Variants in DHX30 observed in about 807,000 individuals in gnomAD.
DHX30 encodes the protein DExH-box helicase 30.
In DHX30, 4 loss-of-function variants were observed where a neutral mutation model predicts 116.9. The ratio of observed to expected loss-of-function variants is 0.03; its 90% confidence interval spans 0.02 to 0.08. The LOEUF is 0.08. Among genes scored for constraint, DHX30 ranks in the 10% least tolerant of loss-of-function variants. DHX30 has a pLI of 1.00. For synonymous variants in DHX30, 697 were observed against 651.7 expected, an observed-to-expected ratio of 1.07 and a Z score of -1.06; for missense variants, 871 against 1,595.1, an observed-to-expected ratio of 0.55 and a Z score of 7.73.
chr3:47,849,652 C>A lies in DHX30; in HGVS notation c.3214C>A (p.Arg1072=). ...INREATRLRS[R]WLTYFMAVKS... ...TAGGGAGGCCACACGGTTACGGAGC[C>A]GATGGCTGACGTATTTCATGGCAGT... The change falls in exon 21 of 22, where the codon CGA becomes AGA. Residue 1072 remains arginine (R), a synonymous_variant. Coordinates refer to ENST00000445061, the MANE Select transcript of DHX30 (RefSeq NM_138615.3). The A allele has an allele frequency of 6.2e-7, 1 of 1,614,206 alleles. No individual in the cohort carries two copies. Among genetic ancestry groups the A allele is most frequent in the Non-Finnish European group, 8.5e-7 (1 of 1,180,036 alleles).
Position 47,849,683 on chromosome 3 carries a change from C to T in DHX30, c.3245C>T (p.Ser1082Phe). 1 of 1,614,178 alleles carries T rather than the reference C, an allele frequency of 6.2e-7. No homozygotes were observed. Among genetic ancestry groups the T allele is most frequent in the Non-Finnish European group, 8.5e-7 (1 of 1,180,030 alleles). ...CTGACGTATTTCATGGCAGTCAAGT[C>T]CAATGGCAGCGTCTTCGTCCGGGAC... ...RWLTYFMAVK[S>F]NGSVFVRDSS... Residue 1082 changes from serine to phenylalanine, a missense_variant, in exon 21 of 22, where the codon TCC (serine) becomes TTC (phenylalanine). Ser to Phe is a radical substitution (Grantham distance 155). Transcript: ENST00000445061.
chr3:47,817,389 A>G (rs191578028), intron 3 of DHX30, among the ~76,000 whole-genome samples: 319 of 152,312 alleles, frequency 2.1e-3, no homozygotes, highest in Middle Eastern at 6.8e-3. Flanking sequence ...ACTTCTTAGA[A>G]ATGTACTTTC....
chr3:47,806,995 C>G (rs2035558609), intron 2 of DHX30, among the ~76,000 whole-genome samples: 1 of 151,632 alleles, frequency 6.6e-6, no homozygotes, highest in Non-Finnish European at 1.5e-5. Flanking sequence ...ATCACAAGGT[C>G]AGGAGTTCGA....
intron 5 of DHX30, 59 bp downstream of exon 5, chr3:47,827,536 C>T: frequency 6.4e-7 from 1 of 1,567,846 alleles, no homozygotes; most frequent in Admixed American, 1.9e-5. Context: ...GGCTGTTTGT[C>T]CTTTCTGTCT....
Position 47,846,905 on chromosome 3 carries a change from G to C in DHX30, c.1833G>C (p.Val611=). 1.4e-5 allele frequency: 22 copies of C among 1,613,402 alleles called. No homozygotes were observed. The highest frequency in any genetic ancestry group is 1.9e-5 in the Non-Finnish European group (22 of 1,179,988). The change falls in exon 11 of 22, where the codon GTG becomes GTC. Residue 611 remains valine, a synonymous_variant. Transcript: ENST00000445061. ...TTGGTGGCTGCCCCGTCATCAAGGT[G>C]CCTGGCTTCATGTACCCAGTCAAGG... is the stretch of plus-strand genomic sequence containing the variant. The part of the protein sequence containing the change: ...RYFGGCPVIK[V]PGFMYPVKEH...
At position 47,843,109 on chromosome 3, in the gene DHX30, C is replaced by G; in HGVS notation, c.793C>G (p.Leu265Val). The G allele has an allele frequency of 6.2e-7, 1 of 1,614,214 alleles. No homozygotes were observed. Reference sequence around the variant, plus strand: ...ATCTCTCTTGCCTTCCATGTAGAACCTCATGCAGTTCCATACTGTGGGCAC... The same window carrying G: ...ATCTCTCTTGCCTTCCATGTAGAACGTCATGCAGTTCCATACTGTGGGCAC... ...IATSSSTAKNLMQFHTVGTKT... is the reference protein window; with the variant it reads ...IATSSSTAKNVMQFHTVGTKT... Residue 265 changes from leucine to valine, a missense_variant, in exon 9 of 22, where the codon CTC (leucine) becomes GTC (valine). Physicochemically the swap from Leu to Val is conservative, Grantham distance 32. Around this residue, in one of 13 missense-constraint regions of DHX30, gnomAD observed 175 missense variants for 292.9 expected, o/e 0.60. Coordinates refer to ENST00000445061, the MANE Select transcript of DHX30 (RefSeq NM_138615.3).
At chr3:47,837,170 A>G (rs1002675395) in intron 6 of DHX30, among the ~76,000 whole-genome samples, 12 of 152,216 alleles carry the variant, frequency 7.9e-5, no homozygotes, top group African/African-American at 2.2e-4. Flanking sequence ...ACTCAGGCCA[A>G]TGTGGCTTAG....
At chr3:47,805,472 T>C in intron 2 of DHX30, 52 bp downstream of exon 2, 1 of 398,880 alleles carries the variant, frequency 2.5e-6, no homozygotes, top group East Asian at 3.6e-5. Context: ...TGCTCAGCTG[T>C]ACTGTAAAAC....
intron 3 of DHX30, chr3:47,816,545 A>G (rs931947091): frequency 1.2e-5 from 11 of 936,384 alleles, no homozygotes; most frequent in East Asian, 1.2e-4. Flanking sequence ...TTTAGTAGAG[A>G]CGGGGTTTCA....
At chr3:47,816,533 T>C in intron 3 of DHX30, 1 of 934,676 alleles carries the variant, frequency 1.1e-6, no homozygotes. Context: ...AATTTTTGTA[T>C]TTTTAGTAGA....
chr3:47,836,213 T>C (rs2037108863), intron 6 of DHX30, among the ~76,000 whole-genome samples: 1 of 151,954 alleles, frequency 6.6e-6, no homozygotes, highest in Non-Finnish European at 1.5e-5. Context: ...GTAACCTCTG[T>C]CTGCCTCCTG....
chr3:47,826,599 C>T (rs1325451814), intron 4 of DHX30, among the ~76,000 whole-genome samples: 2 of 152,138 alleles, frequency 1.3e-5, no homozygotes, highest in Non-Finnish European at 2.9e-5. Flanking sequence ...GCGCCTGCCA[C>T]CAGGCCTGGC....
intron 4 of DHX30, chr3:47,824,796 C>T: frequency 2.5e-6 from 1 of 402,708 alleles, no homozygotes. Flanking sequence ...CTTCCATCCA[C>T]ACGACTGCTG....
chr3:47,841,107 A>G lies in DHX30; in HGVS notation c.597A>G (p.Glu199=). The change falls in exon 7 of 22, where the codon GAA becomes GAG. Residue 199 remains glutamate (E), a synonymous_variant. Transcript: ENST00000445061. ...EEEDEEEELE[E]GTIDVTDFLS... is the part of the protein sequence containing the mutation. Reference sequence around the variant, plus strand: ...AGGACGAGGAGGAAGAGCTAGAAGAAGGGACCATAGATGTTACCGACTTCT... The same window carrying G: ...AGGACGAGGAGGAAGAGCTAGAAGAGGGGACCATAGATGTTACCGACTTCT... 6.2e-7 allele frequency: 1 copy of G among 1,614,206 alleles called. No individual in the cohort carries two copies. Among genetic ancestry groups the G allele is most frequent in the Non-Finnish European group, 8.5e-7 (1 of 1,180,044 alleles).
intron 2 of DHX30, among the ~76,000 whole-genome samples, chr3:47,808,378 G>A (rs1237614405): frequency 6.6e-6 from 1 of 151,438 alleles, no homozygotes; most frequent in Non-Finnish European, 1.5e-5. Context: ...CACCACACCT[G>A]GCTAATTCTG....
In DHX30 at chr3:47,807,912, T is replaced by G. The variant is rs1393198983; in HGVS notation, c.-28+2492T>G. Among the ~76,000 whole-genome samples, 15 of 151,772 alleles carry G rather than the reference T, an allele frequency of 9.9e-5. 1 individual carries two copies. The East Asian group carries it at 2.9e-3, about 29-fold the overall frequency. The stretch of plus-strand genomic sequence containing the variant: ...ACCTAGCCATTAAATTTTGCTTTTT[T>G]TTTTTAAATTTTTTTGAGACAGAGT... On this transcript the variant is annotated intron_variant, in intron 2 of 21. Transcript: ENST00000445061.
chr3:47,807,987 T>C (rs1371181945), intron 2 of DHX30, among the ~76,000 whole-genome samples: 1 of 152,116 alleles, frequency 6.6e-6, no homozygotes, highest in Non-Finnish European at 1.5e-5. Flanking sequence ...CTCATCTCAC[T>C]GGAACGTCCA....
intron 2 of DHX30, among the ~76,000 whole-genome samples, chr3:47,809,256 TTTTG>T (rs2035678456): frequency 7.3e-6 from 1 of 136,714 alleles, no homozygotes. Context: ...TTTTTTTTTT[TTTTG>T]AGACGGAGTC....
intron 3 of DHX30, among the ~76,000 whole-genome samples, chr3:47,817,459 T>G (rs1203541818): frequency 6.6e-6 from 1 of 152,194 alleles, no homozygotes; most frequent in Non-Finnish European, 1.5e-5. Flanking sequence ...AATGGCAGGT[T>G]GTTCTCTTTT....
Sources: gnomAD v4.1 joint callset for allele counts (sites outside exome capture counted in the v4.1 genomes callset) on GRCh38, gnomAD v4.1.1 for gene constraint, gnomAD v4.1.1 regional missense constraint, MANE v1.5 for transcripts, NCBI Gene and HGNC (gene_info 2026-07-23, HGNC 2026-07-21) for gene names.